PAX7: variants seen among roughly 807,000 people sequenced by gnomAD.
PAX7 encodes the protein paired box protein Pax-7.
PAX7 carries 18 observed loss-of-function variants against 50.7 expected under a neutral mutation model. The ratio of observed to expected loss-of-function variants is 0.36; its 90% CI spans 0.25 to 0.53. PAX7 has a LOEUF of 0.53. Among genes scored for constraint, PAX7 ranks in the 20% least tolerant of loss-of-function variants. The pLI, the probability that PAX7 is intolerant of heterozygous loss-of-function variation, is 0.93. For missense variants in PAX7, 644 were observed against 702.9 expected (o/e 0.92, Z 0.95); for synonymous variants, 310 against 290.4 (o/e 1.07, Z -0.69).
intron 7 of PAX7, among the ~76,000 whole-genome samples, chr1:18,729,851 C>T (rs549831299): frequency 6.6e-6 from 1 of 152,264 alleles, no homozygotes; most frequent in Admixed American, 6.5e-5. Flanking sequence ...CCAGCTTCTG[C>T]GTGGGGACAG....
chr1:18,703,350 C>T, intron 7 of PAX7, 54 bp downstream of exon 7: 1 of 1,495,870 alleles, frequency 6.7e-7, no homozygotes, highest in Admixed American at 1.7e-5. Flanking sequence ...AGTCAGACAT[C>T]TGCAGACAGC....
chr1:18,647,124 G>A (rs1218865776), intron 4 of PAX7, among the ~76,000 whole-genome samples: 2 of 152,098 alleles, frequency 1.3e-5, no homozygotes, highest in African/African-American at 4.8e-5. Context: ...AGCTCCGGGC[G>A]AGGGGAGCCG....
chr1:18,715,947 A>G lies in PAX7; in HGVS notation c.1155+12651A>G, dbSNP rs574244489. Among the ~76,000 whole-genome samples, 99 of 151,954 alleles carry G rather than the reference A, an allele frequency of 6.5e-4. 1 individual carries two copies. The highest frequency in any genetic ancestry group is 9.9e-4 in the Non-Finnish European group (67 of 67,950). On this transcript the variant is annotated intron_variant, in intron 7 of 8. Coordinates refer to ENST00000420770, the MANE Select transcript of PAX7 (RefSeq NM_001135254.2). ...GCTGTCTCTTCCACACTCATTTCCC[A>G]TCTTCTTTCCATCAGCCTTTTCCAT...
intron 7 of PAX7, among the ~76,000 whole-genome samples, chr1:18,717,469 C>T (rs111286232): frequency 3.9e-5 from 6 of 152,334 alleles, no homozygotes; most frequent in African/African-American, 1.2e-4. Context: ...CCTTCTTGCC[C>T]CTCCTCTCCT....
At chr1:18,672,065 G>T (rs1222218929) in intron 4 of PAX7, among the ~76,000 whole-genome samples, 1 of 151,920 alleles carries the variant, frequency 6.6e-6, no homozygotes, top group African/African-American at 2.4e-5. Flanking sequence ...ATGAGGGAAT[G>T]TCTGAGCAGA....
At chr1:18,657,154 C>A (rs749532864) in intron 4 of PAX7, among the ~76,000 whole-genome samples, 2 of 152,168 alleles carry the variant, frequency 1.3e-5, no homozygotes, top group Admixed American at 6.5e-5. Flanking sequence ...AGGCAGCGCA[C>A]AATCAGGGGG....
At position 18,747,465 on chromosome 1, in the gene PAX7, A is replaced by G. The variant is rs976495941; in HGVS notation, c.*2536A>G. On this transcript the variant is annotated 3_prime_UTR_variant, in exon 9 of 9. Transcript: ENST00000420770. ...AGGTTCTCTCTAAAACCCGTATATTAACGCATCTGGCCAACTTGGGTTATA... is the reference window on the plus strand; with the variant it reads ...AGGTTCTCTCTAAAACCCGTATATTGACGCATCTGGCCAACTTGGGTTATA... 1.4e-5 allele frequency: 3 copies of G among 221,278 alleles called. No individual in the cohort carries two copies. The highest frequency in any genetic ancestry group is 5.8e-5 in the Admixed American group (1 of 17,372). 13.7% of individuals were successfully genotyped at this position (221,278 alleles called of 1,614,324 possible).
intron 4 of PAX7, among the ~76,000 whole-genome samples, chr1:18,686,407 G>A (rs1301307105): frequency 4.6e-5 from 7 of 152,166 alleles, no homozygotes; most frequent in South Asian, 2.1e-4. Context: ...TTGATAGTGC[G>A]AGGGCAGGAG....
chr1:18,646,751 C>G (rs1307662516), intron 4 of PAX7, among the ~76,000 whole-genome samples: 2 of 151,842 alleles, frequency 1.3e-5, no homozygotes, highest in Non-Finnish European at 2.9e-5. Context: ...GCCGAGGCCC[C>G]GGCCTAATCC....
intron 7 of PAX7, among the ~76,000 whole-genome samples, chr1:18,725,313 GC>G (rs371561364): frequency 0.021 from 530 of 25,272 alleles, 28 homozygotes; most frequent in East Asian, 0.11. Context: ...CCCCCCCCCC[GC>G]CCCACCAACA....
Position 18,712,651 on chromosome 1 carries a change from T to C in PAX7, c.1155+9355T>C, listed in dbSNP as rs369966203. On this transcript the variant is annotated intron_variant, in intron 7 of 8. Coordinates refer to ENST00000420770, the MANE Select transcript of PAX7 (RefSeq NM_001135254.2). ...TCAGGGTGACATTAGAGCCCTTGGA[T>C]CATTGAAGGAGAAGTGGGAGAGCAA... is the stretch of plus-strand genomic sequence containing the variant. 2.6e-5 allele frequency among the ~76,000 whole-genome samples: 4 copies of C among 152,210 alleles called. No homozygotes were observed. The East Asian group carries it at 7.8e-4, about 30-fold the overall frequency.
At chr1:18,716,142 C>T (rs2089417263) in intron 7 of PAX7, among the ~76,000 whole-genome samples, 1 of 152,342 alleles carries the variant, frequency 6.6e-6, no homozygotes, top group South Asian at 2.1e-4. Flanking sequence ...TGTCCTTGGC[C>T]ACCAGGGGAG....
intron 2 of PAX7, 85 bp from the exon 3 acceptor site, chr1:18,635,026 G>A: frequency 6.6e-7 from 1 of 1,514,448 alleles, no homozygotes; most frequent in Non-Finnish European, 9.0e-7. Context: ...AGCCTGGTCT[G>A]GGGCTCTTAA....
rs140883572 is a variant in PAX7, at chr1:18,708,927, C to T, written c.1155+5631C>T. Reference sequence around the variant, plus strand: ...ACAGGCATCAGAAAGTCATTCAGAGCTGCAGTATTTGGCAGGCTGAGATCC... The same window carrying T: ...ACAGGCATCAGAAAGTCATTCAGAGTTGCAGTATTTGGCAGGCTGAGATCC... On this transcript the variant is annotated intron_variant, in intron 7 of 8. Transcript: ENST00000420770. 2.6e-5 allele frequency among the ~76,000 whole-genome samples: 4 copies of T among 152,270 alleles called. No homozygotes were observed. The East Asian group carries it at 7.7e-4, about 29-fold the overall frequency.
chr1:18,744,172 G>T (rs146968613), intron 8 of PAX7, among the ~76,000 whole-genome samples: 2 of 152,232 alleles, frequency 1.3e-5, no homozygotes, highest in African/African-American at 4.8e-5. Context: ...TCTGTAAGCT[G>T]GGCACAGATA....
At chr1:18,694,317 GGCAT>G (rs892820253) in intron 5 of PAX7, among the ~76,000 whole-genome samples, 3 of 151,662 alleles carry the variant, frequency 2.0e-5, no homozygotes, top group Admixed American at 1.3e-4. Flanking sequence ...AAATTAGCCG[GGCAT>G]GCTAGCGCAT....
rs763621833 is a variant in PAX7, at chr1:18,708,806, A to G, written c.1155+5510A>G. The stretch of plus-strand genomic sequence containing the variant: ...CCTGTCTTCAGGAACTCATAGTCTG[A>G]CGGAAGAGACAAAACCCTCATCCTT... On this transcript the variant is annotated intron_variant, in intron 7 of 8. Coordinates refer to ENST00000420770, the MANE Select transcript of PAX7 (RefSeq NM_001135254.2). Among the ~76,000 whole-genome samples, 168 of 152,194 alleles carry G rather than the reference A, an allele frequency of 1.1e-3. 2 individuals carry two copies. The highest frequency in any genetic ancestry group is 1.5e-3 in the Admixed American group (23 of 15,290).
chr1:18,695,725 GA>G (rs1489397115), intron 5 of PAX7, among the ~76,000 whole-genome samples: 1 of 152,200 alleles, frequency 6.6e-6, no homozygotes, highest in African/African-American at 2.4e-5. Flanking sequence ...CCTTAGAGGT[GA>G]ACAGACCCAT....
In PAX7 at chr1:18,745,409, G is replaced by A. The variant is rs1308937602; in HGVS notation, c.*480G>A. ...CCCTGCAAGGAGGGTCTCTGGCTCA[G>A]TGTCAGAACCACAGCCCTTTCCTCC... is the stretch of plus-strand genomic sequence containing the variant. On this transcript the variant is annotated 3_prime_UTR_variant, in exon 9 of 9. Coordinates refer to ENST00000420770, the MANE Select transcript of PAX7 (RefSeq NM_001135254.2). The A allele has an allele frequency of 4.2e-6, 1 of 239,332 alleles. No homozygotes were observed. Among genetic ancestry groups the A allele is most frequent in the African/African-American group, 2.2e-5 (1 of 45,320 alleles). The allele number at this position is 239,332 out of a possible 1,614,324, so 14.8% of individuals were successfully genotyped here.
Sources: allele counts gnomAD v4.1 joint callset (sites outside exome capture counted in the v4.1 genomes callset), GRCh38; gene constraint gnomAD v4.1.1; transcripts MANE v1.5; gene names NCBI Gene and HGNC (gene_info 2026-07-23, HGNC 2026-07-21).